Variants in POC5 observed in about 807,000 individuals in gnomAD.
POC5 encodes POC5 centriolar protein, also known as centrosomal protein POC5.
POC5 carries 48 observed loss-of-function variants against 62.9 expected under a neutral mutation model. The observed-to-expected ratio is 0.76, with a 90% confidence interval of 0.61 to 0.97. The LOEUF (loss-of-function observed/expected upper bound fraction) is 0.97. Among genes scored for constraint, POC5 ranks in the 50% least tolerant of loss-of-function variants. The pLI, the probability that POC5 is intolerant of heterozygous loss-of-function variation, is 0.00. For synonymous variants in POC5, 236 were observed against 228.2 expected (o/e 1.03, Z -0.31); for missense variants, 696 against 679.5 (o/e 1.02, Z -0.27).
At chr5:75,687,322 G>T (rs998549436) in intron 9 of POC5, among the ~76,000 whole-genome samples, 4 of 152,092 alleles carry the variant, frequency 2.6e-5, no homozygotes, top group Non-Finnish European at 5.9e-5. Context: ...GAGCGACCGC[G>T]CCTGGCCTAT....
chr5:75,689,770 C>T (rs1443646289), intron 8 of POC5: 1 of 594,978 alleles, frequency 1.7e-6, no homozygotes, highest in Non-Finnish European at 2.1e-6. Context: ...TATTTAACTT[C>T]AAGAGGCCTA....
chr5:75,703,115 T>C (rs1304642059), intron 4 of POC5, among the ~76,000 whole-genome samples: 1 of 152,212 alleles, frequency 6.6e-6, no homozygotes, highest in African/African-American at 2.4e-5. Flanking sequence ...ATCATCTGTA[T>C]CATATCACCA....
chr5:75,699,194 G>A (rs1453112493), intron 5 of POC5, among the ~76,000 whole-genome samples: 1 of 152,146 alleles, frequency 6.6e-6, no homozygotes, highest in Non-Finnish European at 1.5e-5. Flanking sequence ...TAGAAAAAGA[G>A]GGAATCCTCC....
chr5:75,684,767 T>C (rs1204012428), intron 10 of POC5, among the ~76,000 whole-genome samples: 1 of 152,234 alleles, frequency 6.6e-6, no homozygotes. Context: ...CTAGTCACTT[T>C]GTGTATTAAA....
At chr5:75,703,763 A>C (rs543243351) in intron 4 of POC5, among the ~76,000 whole-genome samples, 1 of 152,184 alleles carries the variant, frequency 6.6e-6, no homozygotes, top group African/African-American at 2.4e-5. Flanking sequence ...ACACATCTCT[A>C]TATGTATGTG....
chr5:75,703,643 A>C (rs1397704127), intron 4 of POC5, among the ~76,000 whole-genome samples: 1 of 152,096 alleles, frequency 6.6e-6, no homozygotes, highest in East Asian at 1.9e-4. Context: ...AAACAAACAA[A>C]AAACCTATTA....
intron 2 of POC5, among the ~76,000 whole-genome samples, chr5:75,708,327 A>T (rs1048591930): frequency 5.3e-5 from 8 of 152,166 alleles, no homozygotes; most frequent in Non-Finnish European, 1.2e-4. Context: ...AGCCTGGGTG[A>T]CAGAGCAAGA....
At chr5:75,696,880 A>G (rs1158165109) in intron 5 of POC5, among the ~76,000 whole-genome samples, 3 of 151,870 alleles carry the variant, frequency 2.0e-5, no homozygotes, top group African/African-American at 7.3e-5. Context: ...GGAGCTGAAA[A>G]CCAAGGCTCG....
chr5:75,692,669 G>A (rs1169137895), intron 6 of POC5, among the ~76,000 whole-genome samples, 169 bp from the exon 7 acceptor site: 2 of 151,934 alleles, frequency 1.3e-5, no homozygotes, highest in East Asian at 3.9e-4. Flanking sequence ...TTTCTCACAT[G>A]AATATACTAG....
chr5:75,716,119 G>C (rs570997935), intron 1 of POC5, among the ~76,000 whole-genome samples: 1 of 152,168 alleles, frequency 6.6e-6, no homozygotes, highest in South Asian at 2.1e-4. Context: ...AAAATAGAAT[G>C]GAAACACAGG....
At chr5:75,698,861 T>C (rs1157636907) in intron 5 of POC5, among the ~76,000 whole-genome samples, 14 of 151,770 alleles carry the variant, frequency 9.2e-5, no homozygotes, top group Non-Finnish European at 7.4e-5. Flanking sequence ...ATCAAATAGA[T>C]GCAATAAAAA....
Position 75,685,411 on chromosome 5 carries a change from C to CA in POC5, c.1202dup (p.Leu401PhefsTer95). 6.2e-7 allele frequency: 1 copy of CA among 1,613,884 alleles called. No individual in the cohort carries two copies. Among genetic ancestry groups the CA allele is most frequent in the Non-Finnish European group, 8.5e-7 (1 of 1,179,838 alleles). On this transcript the variant is annotated frameshift_variant, in exon 10 of 12. Coordinates refer to ENST00000428202, the MANE Select transcript of POC5 (RefSeq NM_001099271.2). LOFTEE classifies it high-confidence loss of function. ...AGGGCATCGGAGGAGCTGAAGGATC[C>CA]AAATGAGCAGAATGTTCTTTTCCTT...
chr5:75,698,592 C>T (rs1453152078), intron 5 of POC5, among the ~76,000 whole-genome samples: 2 of 151,680 alleles, frequency 1.3e-5, no homozygotes, highest in African/African-American at 4.8e-5. Context: ...ATTTATAGCA[C>T]TAAATGCCCA....
Position 75,694,758 on chromosome 5 carries a change from T to A in POC5, c.587A>T (p.Glu196Val), listed in dbSNP as rs1281966527. The A allele has an allele frequency of 3.8e-6, 6 of 1,590,594 alleles. No homozygotes were observed. The highest frequency in any genetic ancestry group is 1.7e-4 in the Middle Eastern group (1 of 5,914). The change falls in exon 6 of 12, where the codon GAG (glutamate) becomes GTG (valine). Residue 196 changes from glutamate (E) to valine (V), a missense_variant. Coordinates refer to ENST00000428202, the MANE Select transcript of POC5 (RefSeq NM_001099271.2). ...IDWHRMEMRK[E>V]KEKHAAHLKQ... ...TAAATGTGCTGCATGTTTTTCTTTC[T>A]CTTTTCTCATTTCCATTCGGTGCCA...
chr5:75,714,641 C>T (rs1777476793), intron 1 of POC5, among the ~76,000 whole-genome samples: 1 of 152,066 alleles, frequency 6.6e-6, no homozygotes, highest in Admixed American at 6.6e-5. Flanking sequence ...GTGCCACTCA[C>T]CAAGGCAAGG....
intron 11 of POC5, among the ~76,000 whole-genome samples, chr5:75,675,602 G>C (rs1775620384): frequency 6.6e-6 from 1 of 152,116 alleles, no homozygotes; most frequent in African/African-American, 2.4e-5. Context: ...TTTTCTTAAA[G>C]TATCTTATAA....
chr5:75,694,798 G>C lies in POC5; in HGVS notation c.547C>G (p.Leu183Val), dbSNP rs751363120. The part of the protein sequence containing the change: ...NIISELSKWR[L>V]NFIDWHRMEM... ...ATTCGGTGCCAGTCAATAAAATTAA[G>C]TCTCCATTTACTTAGTTCAGATATG... Residue 183 changes from leucine to valine, a missense_variant, in exon 6 of 12, where the codon CTT becomes GTT. Transcript: ENST00000428202. 7 of 1,565,234 alleles carry C rather than the reference G, an allele frequency of 4.5e-6. No individual in the cohort carries two copies. Among genetic ancestry groups the C allele is most frequent in the Non-Finnish European group, 6.1e-6 (7 of 1,142,722 alleles).
chr5:75,688,004 C>T (rs747182774), intron 9 of POC5, among the ~76,000 whole-genome samples: 9 of 152,152 alleles, frequency 5.9e-5, no homozygotes, highest in Non-Finnish European at 8.8e-5. Flanking sequence ...TTCCATGATT[C>T]TCAGTTTCTA....
intron 10 of POC5, among the ~76,000 whole-genome samples, chr5:75,684,363 A>ATTTTTTTTTTTTTT (rs749361349): frequency 7.5e-6 from 1 of 132,710 alleles, no homozygotes; most frequent in African/African-American, 2.8e-5. Flanking sequence ...TTCCTACATA[A>ATTTTTTTTTTTTTT]TTTTTTTTTT....
Sources: allele counts gnomAD v4.1 joint callset (sites outside exome capture counted in the v4.1 genomes callset), GRCh38; gene constraint gnomAD v4.1.1; transcripts MANE v1.5; gene names NCBI Gene and HGNC (gene_info 2026-07-23, HGNC 2026-07-21).